The following MPDZ variants were observed in gnomAD, a reference collection of about 807,000 sequenced individuals.
MPDZ encodes multiple PDZ domain crumbs cell polarity complex component.
A neutral mutation model predicts 239.1 loss-of-function variants in MPDZ; 234 were observed. The ratio of observed to expected loss-of-function variants is 0.98; its 90% CI spans 0.88 to 1.09. MPDZ has a LOEUF of 1.09. Ranked by LOEUF, MPDZ falls within the 50% of genes least tolerant of loss-of-function variation. The probability of loss-of-function intolerance (pLI) is 0.00; values close to 1 mark genes in which losing one functional copy is unlikely to be tolerated. For missense variants in MPDZ, 3,175 were observed against 2,510.0 expected (o/e 1.26, Z -5.66); for synonymous variants, 1,048 against 881.3 (o/e 1.19, Z -3.35).
At chr9:13,233,995 T>C (rs1486356245) in intron 3 of MPDZ, among the ~76,000 whole-genome samples, 1 of 149,404 alleles carries the variant, frequency 6.7e-6, no homozygotes, top group Admixed American at 6.8e-5. Context: ...AACAAACATA[T>C]TTTAATCTCT....
rs1967593976 is a variant in MPDZ at position 13,250,295 on chromosome 9, C to T, written c.16+5G>A. ...TAAAAGTAGGCAGAAAAGAATAAGT[C>T]TTACCAATGGCTTCCAACATTTTTT... is the stretch of plus-strand genomic sequence containing the variant. On this transcript the variant is annotated splice_donor_5th_base_variant and intron_variant, in intron 2 of 46. Coordinates refer to ENST00000319217, the MANE Select transcript of MPDZ (RefSeq NM_001378778.1). 1 of 1,594,320 alleles carries T rather than the reference C, an allele frequency of 6.3e-7. No homozygotes were observed. Among genetic ancestry groups the T allele is most frequent in the Non-Finnish European group, 8.6e-7 (1 of 1,169,504 alleles).
At chr9:13,118,332 G>A (rs918748989) in intron 39 of MPDZ, among the ~76,000 whole-genome samples, 1 of 152,186 alleles carries the variant, frequency 6.6e-6, no homozygotes, top group Admixed American at 6.5e-5. Flanking sequence ...GAAACCTAAT[G>A]AGAAGTGACG....
intron 45 of MPDZ, among the ~76,000 whole-genome samples, chr9:13,109,268 TAAC>T (rs1942015327): frequency 6.6e-6 from 1 of 152,094 alleles, no homozygotes; most frequent in Non-Finnish European, 1.5e-5. Context: ...AAATCCTACT[TAAC>T]ACCCTAATTC....
chr9:13,274,497 A>C (rs946071396), intron 1 of MPDZ: 1 of 152,094 alleles, frequency 6.6e-6, no homozygotes, highest in African/African-American at 2.4e-5. Context: ...GGCCAGAAGA[A>C]AAAAAGTAAG....
intron 39 of MPDZ, among the ~76,000 whole-genome samples, chr9:13,115,832 C>G (rs185425332): frequency 2.1e-4 from 32 of 151,622 alleles, no homozygotes; most frequent in African/African-American, 7.0e-4. Flanking sequence ...GTAGTCCCAG[C>G]TACTCAGGAG....
chr9:13,159,564 A>C (rs1025450150), intron 23 of MPDZ, among the ~76,000 whole-genome samples: 6 of 152,172 alleles, frequency 3.9e-5, no homozygotes, highest in African/African-American at 1.4e-4. Flanking sequence ...AAGAAAGCAG[A>C]GTTAGAAGAC....
chr9:13,112,174 G>C (rs1224557314), intron 42 of MPDZ, 28 bp from the exon 43 acceptor site: 6 of 1,581,626 alleles, frequency 3.8e-6, no homozygotes, highest in South Asian at 3.5e-5. Flanking sequence ...TAAAATTTTG[G>C]TCAAAGTGAT....
At chr9:13,143,413 A>C in intron 27 of MPDZ, 53 bp downstream of exon 27, 1 of 1,349,456 alleles carries the variant, frequency 7.4e-7, no homozygotes, top group Non-Finnish European at 1.1e-6. Context: ...AGTAACAAAG[A>C]ACAAAACATT....
chr9:13,201,718 A>G (rs1247185690), intron 12 of MPDZ, among the ~76,000 whole-genome samples: 3 of 152,046 alleles, frequency 2.0e-5, no homozygotes, highest in Non-Finnish European at 2.9e-5. Context: ...AAAACTTTCT[A>G]ATGAGATTTT....
chr9:13,228,803 T>G (rs1035982457), intron 3 of MPDZ, among the ~76,000 whole-genome samples: 1 of 152,192 alleles, frequency 6.6e-6, no homozygotes, highest in Non-Finnish European at 1.5e-5. Context: ...AATATTTTCA[T>G]AGAAAAACTT....
intron 19 of MPDZ, among the ~76,000 whole-genome samples, chr9:13,181,903 A>G (rs1563975298): frequency 6.6e-6 from 1 of 152,142 alleles, no homozygotes; most frequent in Non-Finnish European, 1.5e-5. Flanking sequence ...AAGACTGAAC[A>G]CATTCCAGAA....
At chr9:13,238,532 A>G (rs1273139781) in intron 3 of MPDZ, among the ~76,000 whole-genome samples, 1 of 152,066 alleles carries the variant, frequency 6.6e-6, no homozygotes, top group Non-Finnish European at 1.5e-5. Flanking sequence ...TCTTCTGCCT[A>G]TTAAACTTTT....
chr9:13,185,972 T>C (rs1222209843), intron 18 of MPDZ, among the ~76,000 whole-genome samples: 1 of 152,124 alleles, frequency 6.6e-6, no homozygotes, highest in Non-Finnish European at 1.5e-5. Context: ...CCTAGAGATA[T>C]CTAAGCGTGA....
At chr9:13,153,374 T>C (rs552186448) in intron 24 of MPDZ, among the ~76,000 whole-genome samples, 1 of 152,298 alleles carries the variant, frequency 6.6e-6, no homozygotes, top group South Asian at 2.1e-4. Flanking sequence ...TCCCATTCAT[T>C]GTTTTCTCTT....
chr9:13,126,304 T>C (rs146321111), intron 34 of MPDZ, among the ~76,000 whole-genome samples: 16 of 152,316 alleles, frequency 1.1e-4, no homozygotes, highest in African/African-American at 1.4e-4. Context: ...CCAGTGAATA[T>C]TGAATAATTT....
At chr9:13,217,846 C>G (rs2136163720) in intron 8 of MPDZ, among the ~76,000 whole-genome samples, 1 of 151,966 alleles carries the variant, frequency 6.6e-6, no homozygotes, top group Admixed American at 6.6e-5. Flanking sequence ...CATAATTCCT[C>G]ATAATTCAGC....
chr9:13,206,009 T>C lies in MPDZ; in HGVS notation c.1381A>G (p.Arg461Gly). 6.2e-7 allele frequency: 1 copy of C among 1,612,866 alleles called. No individual in the cohort carries two copies. The highest frequency in any genetic ancestry group is 8.5e-7 in the Non-Finnish European group (1 of 1,179,542). ...TCGGCTTCCTGCTTCATTCCTCTCC[T>C]CATTAGTGTCAGGAGCACAGTTTGT... ...TGQTVLLTLM[R>G]RGMKQEAELM... Residue 461 changes from arginine to glycine, a missense_variant, in exon 11 of 47, where the codon AGG becomes GGG. Physicochemically the swap from Arg to Gly is moderately radical, Grantham distance 125. Coordinates refer to ENST00000319217, the MANE Select transcript of MPDZ (RefSeq NM_001378778.1).
chr9:13,167,065 G>A (rs935979405), intron 22 of MPDZ, among the ~76,000 whole-genome samples: 4 of 152,024 alleles, frequency 2.6e-5, no homozygotes, highest in Admixed American at 1.3e-4. Context: ...CAAATCAGAT[G>A]AACAGTTACT....
intron 1 of MPDZ, among the ~76,000 whole-genome samples, chr9:13,275,293 C>T (rs867309812): frequency 6.6e-6 from 1 of 152,128 alleles, no homozygotes; most frequent in African/African-American, 2.4e-5. Flanking sequence ...GGCTCTAACA[C>T]AATATGACTG....
Sources: gnomAD v4.1 joint callset for allele counts (sites outside exome capture counted in the v4.1 genomes callset) on GRCh38, gnomAD v4.1.1 for gene constraint, MANE v1.5 for transcripts, NCBI Gene and HGNC (gene_info 2026-07-23, HGNC 2026-07-21) for gene names.